Variants in TTC13 observed in about 807,000 individuals in gnomAD.
TTC13 encodes the protein tetratricopeptide repeat protein 13.
Under a neutral mutation model 120.0 loss-of-function variants are expected in TTC13, and 62 were observed. That is an observed-to-expected ratio of 0.52 (90% confidence interval 0.42 to 0.64). TTC13 has a LOEUF of 0.64. Ranked by LOEUF, TTC13 falls within the 30% of genes least tolerant of loss-of-function variation. The probability of loss-of-function intolerance (pLI) is 0.00; values close to 1 mark genes in which losing one functional copy is unlikely to be tolerated. For missense variants in TTC13, 824 were observed against 1,050.2 expected (o/e 0.78, Z 2.98); for synonymous variants, 384 against 393.5 (o/e 0.98, Z 0.28).
At chr1:230,968,190 G>T (rs1677327610) in intron 1 of TTC13, among the ~76,000 whole-genome samples, 1 of 141,270 alleles carries the variant, frequency 7.1e-6, no homozygotes, top group Non-Finnish European at 1.6e-5. Context: ...GTGGTGGGGG[G>T]GGGGCCTTTT....
chr1:230,954,068 G>A (rs1295406909), intron 4 of TTC13, among the ~76,000 whole-genome samples: 1 of 152,004 alleles, frequency 6.6e-6, no homozygotes, highest in Non-Finnish European at 1.5e-5. Context: ...TTTGATGGTC[G>A]GGAGACTATG....
intron 2 of TTC13, among the ~76,000 whole-genome samples, 167 bp from the exon 3 acceptor site, chr1:230,958,466 T>G (rs180678032): frequency 2.3e-4 from 35 of 152,346 alleles, no homozygotes; most frequent in Non-Finnish European, 4.6e-4. Context: ...TGGCTTTCAG[T>G]AGAACCTTGA....
chr1:230,941,739 G>A (rs939478814), intron 6 of TTC13, among the ~76,000 whole-genome samples: 1 of 152,204 alleles, frequency 6.6e-6, no homozygotes, highest in Non-Finnish European at 1.5e-5. Flanking sequence ...AAAGAGGAAA[G>A]AAATTGAATA....
chr1:230,916,860 C>T (rs537345978), intron 17 of TTC13, among the ~76,000 whole-genome samples: 2 of 152,250 alleles, frequency 1.3e-5, no homozygotes, highest in East Asian at 1.9e-4. Flanking sequence ...GAATGGCTTT[C>T]GGAGTGATAA....
intron 11 of TTC13, among the ~76,000 whole-genome samples, chr1:230,930,889 G>A (rs1421228808): frequency 2.0e-5 from 3 of 152,170 alleles, no homozygotes; most frequent in Non-Finnish European, 4.4e-5. Flanking sequence ...CTGTACTCCA[G>A]CCTGGTGACA....
intron 17 of TTC13, among the ~76,000 whole-genome samples, chr1:230,917,219 T>A (rs17790299): frequency 0.014 from 2,083 of 152,314 alleles, 33 homozygotes; most frequent in African/African-American, 0.034. Context: ...AGAAATGCGT[T>A]AACACACTAT....
intron 1 of TTC13, among the ~76,000 whole-genome samples, chr1:230,962,048 T>C (rs1022205088): frequency 2.0e-5 from 3 of 151,462 alleles, no homozygotes; most frequent in African/African-American, 7.3e-5. Flanking sequence ...CTGTGTCTAC[T>C]AAAATACAAA....
At chr1:230,933,685 A>T (rs1673775205) in intron 9 of TTC13, 94 bp downstream of exon 9, 1 of 658,380 alleles carries the variant, frequency 1.5e-6, no homozygotes, top group Non-Finnish European at 2.6e-6. Flanking sequence ...TCCTTTGGTT[A>T]AGAAATACTA....
At chr1:230,936,371 T>C in intron 8 of TTC13, 1 of 386,898 alleles carries the variant, frequency 2.6e-6, no homozygotes, top group Non-Finnish European at 5.1e-6. Flanking sequence ...TCTGAATTAA[T>C]TTGCTTGGCA....
At position 230,952,272 on chromosome 1, in the gene TTC13, T is replaced by C. The variant is rs575185906; in HGVS notation, c.513+2061A>G. 3.3e-5 allele frequency among the ~76,000 whole-genome samples: 5 copies of C among 152,282 alleles called. No homozygotes were observed. The East Asian group carries it at 9.6e-4, about 29-fold the overall frequency. On this transcript the variant is annotated intron_variant, in intron 4 of 22. Coordinates refer to ENST00000366661, the MANE Select transcript of TTC13 (RefSeq NM_024525.5). Reference sequence around the variant, plus strand: ...CTTGTTTACCCATGTGCCATGCAGATATTATTTCCACATCTGCCATGATGT... The same window carrying C: ...CTTGTTTACCCATGTGCCATGCAGACATTATTTCCACATCTGCCATGATGT...
intron 1 of TTC13, among the ~76,000 whole-genome samples, chr1:230,966,821 A>G (rs929018882): frequency 2.0e-5 from 3 of 152,186 alleles, no homozygotes; most frequent in African/African-American, 7.2e-5. Flanking sequence ...AGCCCGAGGA[A>G]CCTGCAGTAA....
At chr1:230,910,184 G>A (rs762441622) in intron 20 of TTC13, among the ~76,000 whole-genome samples, 3 of 152,200 alleles carry the variant, frequency 2.0e-5, no homozygotes, top group Non-Finnish European at 4.4e-5. Context: ...GGGTTCTCCA[G>A]CAGGGAAGAC....
At chr1:230,976,709 A>C (rs936960249) in intron 1 of TTC13, among the ~76,000 whole-genome samples, 5 of 152,342 alleles carry the variant, frequency 3.3e-5, no homozygotes, top group Non-Finnish European at 7.3e-5. Flanking sequence ...AGAAGGTAGA[A>C]ACATCTAAAT....
rs539426032 is a variant in TTC13 at position 230,967,211 on chromosome 1, C to T, written c.272-5908G>A. 4.2e-4 allele frequency among the ~76,000 whole-genome samples: 64 copies of T among 152,022 alleles called. 1 individual carries two copies. The South Asian group carries it at 0.012, about 29-fold the overall frequency. On this transcript the variant is annotated intron_variant, in intron 1 of 22. Transcript: ENST00000366661. The stretch of plus-strand genomic sequence containing the variant: ...GAAACTTCCAAAAAGTACTCAATAA[C>T]GCCACTGATTAACAGGCACCCCTGC...
At chr1:230,959,495 C>T (rs1676423597) in intron 2 of TTC13, among the ~76,000 whole-genome samples, 1 of 152,124 alleles carries the variant, frequency 6.6e-6, no homozygotes, top group Non-Finnish European at 1.5e-5. Flanking sequence ...GATTCTCCTG[C>T]CTCAGCCTCC....
intron 11 of TTC13, among the ~76,000 whole-genome samples, chr1:230,929,779 C>T (rs1350781129): frequency 1.3e-5 from 2 of 152,180 alleles, no homozygotes; most frequent in East Asian, 1.9e-4. Context: ...GACTAATGGA[C>T]TGCTGCTTAT....
rs186118765 is a variant in TTC13 at position 230,924,702 on chromosome 1, A to G, written c.1721+139T>C. On this transcript the variant is annotated intron_variant, in intron 14 of 22. Transcript: ENST00000366661. The stretch of plus-strand genomic sequence containing the variant: ...ATAAAGATGCCAGCAATTTCTAACA[A>G]ACTTTAGAGAGGAAAACCTAACTTG... 6.9e-4 allele frequency: 614 copies of G among 893,296 alleles called. 6 individuals are homozygous for G. Among genetic ancestry groups the G allele is most frequent in the Non-Finnish European group, 2.2e-4 (130 of 582,978 alleles). 55.3% of individuals were successfully genotyped at this position (893,296 alleles called of 1,614,324 possible). A position where few individuals can be genotyped will look rare whatever the true frequency, so the allele number is the denominator to read the frequency against.
intron 4 of TTC13, among the ~76,000 whole-genome samples, 157 bp from the exon 5 acceptor site, chr1:230,945,611 CTA>C (rs1253046606): frequency 6.6e-6 from 1 of 152,186 alleles, no homozygotes; most frequent in Non-Finnish European, 1.5e-5. Context: ...CCTGAAAAGT[CTA>C]TGTTCTTAAA....
At position 230,925,641 on chromosome 1, in the gene TTC13, C is replaced by T. The variant is rs1486571960; in HGVS notation, c.1464G>A (p.Val488=). ...TATAACTCTCAAAATTCTGATGTAA[C>T]ACATCTCTGGAAGAAACATCATGTA... ...QPGLQPHIKD[V]LHQNFESYKP... Residue 488 remains valine (V), a synonymous_variant, in exon 13 of 23, where the codon GTG becomes GTA. Transcript: ENST00000366661. 14 of 1,613,820 alleles carry T rather than the reference C, an allele frequency of 8.7e-6. No individual in the cohort carries two copies. The highest frequency in any genetic ancestry group is 1.6e-4 in the Middle Eastern group (1 of 6,084).
Sources: gnomAD v4.1 joint callset for allele counts (sites outside exome capture counted in the v4.1 genomes callset) on GRCh38, gnomAD v4.1.1 for gene constraint, MANE v1.5 for transcripts, NCBI Gene and HGNC (gene_info 2026-07-23, HGNC 2026-07-21) for gene names.